The following HECW1 variants were observed in gnomAD, a reference collection of about 807,000 sequenced individuals.
HECW1 encodes the protein HECT, C2 and WW domain containing E3 ubiquitin protein ligase 1.
A neutral mutation model predicts 182.3 loss-of-function variants in HECW1; 61 were observed. The observed-to-expected ratio is 0.33, with a 90% confidence interval of 0.27 to 0.41. The LOEUF (loss-of-function observed/expected upper bound fraction) is 0.41. HECW1 is among the 10% of genes least tolerant of loss of function. The pLI is 1.00. For missense variants in HECW1, 1,739 were observed against 2,108.9 expected, an observed-to-expected ratio of 0.82 and a Z score of 3.44; for synonymous variants, 859 against 832.6, an observed-to-expected ratio of 1.03 and a Z score of -0.55.
chr7:43,185,287 G>A (rs1022706777), intron 2 of HECW1, among the ~76,000 whole-genome samples: 4 of 152,100 alleles, frequency 2.6e-5, no homozygotes, highest in African/African-American at 9.7e-5. Flanking sequence ...CCATCTAGCT[G>A]TTCACCTGTA....
At chr7:43,307,656 T>C (rs1416127775) in intron 3 of HECW1, among the ~76,000 whole-genome samples, 1 of 152,108 alleles carries the variant, frequency 6.6e-6, no homozygotes, top group Admixed American at 6.6e-5. Flanking sequence ...CTGATGAGTC[T>C]ATAGTATATG....
At chr7:43,461,526 G>A (rs539110818) in intron 13 of HECW1, among the ~76,000 whole-genome samples, 3 of 152,306 alleles carry the variant, frequency 2.0e-5, no homozygotes, top group Admixed American at 2.0e-4. Flanking sequence ...GTCTTTGGCA[G>A]GCCCCGTTCC....
intron 2 of HECW1, among the ~76,000 whole-genome samples, chr7:43,115,384 A>G (rs1298141856): frequency 2.6e-5 from 4 of 151,656 alleles, no homozygotes; most frequent in Non-Finnish European, 4.4e-5. Context: ...ATTGGATAAC[A>G]GGTGTTCTCC....
chr7:43,140,479 C>T (rs572516157), intron 2 of HECW1, among the ~76,000 whole-genome samples: 98 of 152,294 alleles, frequency 6.4e-4, no homozygotes, highest in Middle Eastern at 6.8e-3. Context: ...AATGCTGTTC[C>T]GTCACACTCA....
chr7:43,557,257 G>T (rs1454871227), intron 29 of HECW1, among the ~76,000 whole-genome samples: 1 of 152,160 alleles, frequency 6.6e-6, no homozygotes, highest in Non-Finnish European at 1.5e-5. Context: ...GAGCCACAGT[G>T]CATGTGGCCT....
intron 8 of HECW1, among the ~76,000 whole-genome samples, chr7:43,428,053 G>T (rs1333595083): frequency 7.2e-5 from 11 of 152,150 alleles, no homozygotes; most frequent in Admixed American, 7.2e-4. Context: ...CTAGTGGAAG[G>T]GGATTATACA....
At chr7:43,173,846 A>T (rs562153172) in intron 2 of HECW1, among the ~76,000 whole-genome samples, 16 of 145,468 alleles carry the variant, frequency 1.1e-4, no homozygotes, top group Non-Finnish European at 2.4e-4. Flanking sequence ...GTTTTAAATG[A>T]TTTTTTTTTT....
chr7:43,545,559 T>A (rs2152955786), intron 26 of HECW1, among the ~76,000 whole-genome samples: 1 of 152,340 alleles, frequency 6.6e-6, no homozygotes, highest in Admixed American at 6.5e-5. Context: ...AAAACTTAAC[T>A]ACTGGTAGCC....
At chr7:43,113,224 G>A (rs967289797) in intron 1 of HECW1, among the ~76,000 whole-genome samples, 1 of 152,038 alleles carries the variant, frequency 6.6e-6, no homozygotes, top group Non-Finnish European at 1.5e-5. Flanking sequence ...GCCCCCAAGC[G>A]GGTTCGCAGC....
intron 13 of HECW1, 24 bp from the exon 14 acceptor site, chr7:43,463,636 G>A (rs1563011651): frequency 1.9e-6 from 3 of 1,605,864 alleles, no homozygotes; most frequent in South Asian, 1.1e-5. Flanking sequence ...GTTAACTCCT[G>A]TCTTTCCATT....
rs1290636565 is a variant in HECW1, at chr7:43,509,141, C to G, written c.4019+20C>G. ...TGAGTGGTAAGCTCTATAATGTTCACTTTCTTGTATTTGAAAGTTCTCCTC... is the reference window on the plus strand; with the variant it reads ...TGAGTGGTAAGCTCTATAATGTTCAGTTTCTTGTATTTGAAAGTTCTCCTC... On this transcript the variant is annotated intron_variant, in intron 24 of 29. Coordinates refer to ENST00000395891, the MANE Select transcript of HECW1 (RefSeq NM_015052.5). 2 of 1,605,516 alleles carry G rather than the reference C, an allele frequency of 1.2e-6. No individual in the cohort carries two copies. Among genetic ancestry groups the G allele is most frequent in the South Asian group, 2.2e-5 (2 of 89,074 alleles).
chr7:43,270,804 T>C (rs964157898), intron 3 of HECW1, among the ~76,000 whole-genome samples: 7 of 152,214 alleles, frequency 4.6e-5, no homozygotes, highest in Non-Finnish European at 8.8e-5. Context: ...ATAAGTATGG[T>C]AGATATCAAT....
chr7:43,519,172 G>T (rs924673717), intron 24 of HECW1, among the ~76,000 whole-genome samples: 2 of 152,004 alleles, frequency 1.3e-5, no homozygotes, highest in Non-Finnish European at 2.9e-5. Context: ...ACCCATAGAG[G>T]TTTAAACTTG....
intron 26 of HECW1, among the ~76,000 whole-genome samples, chr7:43,549,974 G>A (rs1287280369): frequency 6.6e-6 from 1 of 152,108 alleles, no homozygotes; most frequent in Non-Finnish European, 1.5e-5. Flanking sequence ...AACAAAAACT[G>A]TAGCCTTTCC....
intron 3 of HECW1, among the ~76,000 whole-genome samples, chr7:43,267,528 TA>T (rs903218653): frequency 6.0e-5 from 9 of 150,018 alleles, no homozygotes; most frequent in African/African-American, 7.3e-5. Context: ...TGTGTTCAAG[TA>T]AAAAAAAATT....
intron 2 of HECW1, among the ~76,000 whole-genome samples, chr7:43,132,647 T>G (rs926749085): frequency 6.6e-6 from 1 of 152,206 alleles, no homozygotes; most frequent in Admixed American, 6.5e-5. Context: ...TTCTTCATGG[T>G]GCTCAAATTA....
At chr7:43,145,009 C>A (rs1788547171) in intron 2 of HECW1, among the ~76,000 whole-genome samples, 1 of 151,992 alleles carries the variant, frequency 6.6e-6, no homozygotes, top group Non-Finnish European at 1.5e-5. Context: ...GCATATATGT[C>A]CTTTCATTTT....
intron 24 of HECW1, among the ~76,000 whole-genome samples, chr7:43,520,823 G>A (rs74963759): frequency 0.015 from 2,349 of 152,246 alleles, 57 homozygotes; most frequent in African/African-American, 0.053. Flanking sequence ...AAAATAGCTT[G>A]AGAAAGCACT....
chr7:43,515,256 A>G (rs2080087984), intron 24 of HECW1, among the ~76,000 whole-genome samples: 1 of 151,862 alleles, frequency 6.6e-6, no homozygotes, highest in Non-Finnish European at 1.5e-5. Context: ...TGGCATTCCC[A>G]GGCGTTTGGG....
Sources: allele counts gnomAD v4.1 joint callset (sites outside exome capture counted in the v4.1 genomes callset), GRCh38; gene constraint gnomAD v4.1.1; transcripts MANE v1.5; gene names NCBI Gene and HGNC (gene_info 2026-07-23, HGNC 2026-07-21).